The following PXK variants were observed in gnomAD, a reference collection of about 807,000 sequenced individuals.
PXK encodes the protein PX domain containing serine/threonine kinase like.
Under a neutral mutation model 84.7 loss-of-function variants are expected in PXK, and 35 were observed. That is an observed-to-expected ratio of 0.41 (90% CI 0.32 to 0.55). The LOEUF is 0.55. PXK is among the 20% of genes least tolerant of loss of function. PXK has a pLI of 0.21. For missense variants in PXK, 634 were observed against 699.7 expected (o/e 0.91, Z 1.06); for synonymous variants, 253 against 260.8 (o/e 0.97, Z 0.29).
chr3:58,369,008 A>C (rs2098323991), intron 2 of PXK, among the ~76,000 whole-genome samples: 1 of 152,156 alleles, frequency 6.6e-6, no homozygotes, highest in Non-Finnish European at 1.5e-5. Context: ...TCACCTGGGG[A>C]AAGTTTGACC....
chr3:58,356,244 G>A (rs1294891043), intron 1 of PXK, among the ~76,000 whole-genome samples: 2 of 152,154 alleles, frequency 1.3e-5, no homozygotes, highest in African/African-American at 4.8e-5. Context: ...GGGGTGTTGT[G>A]TCAAGAGGAG....
At chr3:58,419,278 T>G (rs913186592) in intron 17 of PXK, among the ~76,000 whole-genome samples, 1 of 152,094 alleles carries the variant, frequency 6.6e-6, no homozygotes, top group African/African-American at 2.4e-5. Context: ...TGAGATGGAG[T>G]TTCACTCTTG....
intron 1 of PXK, among the ~76,000 whole-genome samples, chr3:58,352,547 T>C (rs1027027032): frequency 1.3e-5 from 2 of 152,368 alleles, no homozygotes; most frequent in African/African-American, 4.8e-5. Flanking sequence ...AATTACTATT[T>C]AATTGAGCTT....
chr3:58,378,925 A>C (rs2098472021), intron 3 of PXK, among the ~76,000 whole-genome samples: 1 of 150,760 alleles, frequency 6.6e-6, no homozygotes, highest in Admixed American at 6.6e-5. Flanking sequence ...TATTATTATT[A>C]GTAGTAGTAG....
intron 1 of PXK, among the ~76,000 whole-genome samples, chr3:58,354,597 C>A (rs1310618771): frequency 6.6e-6 from 1 of 152,004 alleles, no homozygotes; most frequent in African/African-American, 2.4e-5. Context: ...CAGGCGCCCA[C>A]CATCGTGCCT....
rs190575193 is a variant in PXK, at chr3:58,392,809, A to G, written c.615+962A>G. On this transcript the variant is annotated intron_variant, in intron 7 of 17. Transcript: ENST00000356151. ...CCCAAGTAGCTGGGATTACAGGTGC[A>G]TGCCACCACACCCAGCTAATTTTTG... Among the ~76,000 whole-genome samples, 1,115 of 151,740 alleles carry G rather than the reference A, an allele frequency of 7.3e-3. 14 individuals are homozygous for G. Among genetic ancestry groups the G allele is most frequent in the African/African-American group, 0.026 (1,057 of 41,382 alleles).
chr3:58,413,372 A>T (rs2060495175), intron 17 of PXK: 1 of 198,384 alleles, frequency 5.0e-6, no homozygotes, highest in Non-Finnish European at 1.0e-5. Context: ...ACAGAGCACA[A>T]CTGGTAAGAT....
At chr3:58,381,986 AAAAAT>A (rs1168137095) in intron 3 of PXK, among the ~76,000 whole-genome samples, 3 of 152,150 alleles carry the variant, frequency 2.0e-5, no homozygotes, top group South Asian at 2.1e-4. Context: ...TAACTTTAGT[AAAAAT>A]AAAAGCACAT....
chr3:58,359,258 G>T (rs1234406526), intron 1 of PXK, among the ~76,000 whole-genome samples: 1 of 152,098 alleles, frequency 6.6e-6, no homozygotes, highest in African/African-American at 2.4e-5. Context: ...ATGGCCAGGC[G>T]CAGTGGCTCA....
chr3:58,420,534 A>T, intron 17 of PXK: 1 of 1,535,908 alleles, frequency 6.5e-7, no homozygotes, highest in South Asian at 1.2e-5. Flanking sequence ...TGCTGTTTTC[A>T]GTAGAGCATG....
Position 58,390,699 on chromosome 3 carries a change from C to T in PXK, c.466+40C>T. On this transcript the variant is annotated intron_variant, in intron 5 of 17. Transcript: ENST00000356151. This position sits in a 1 kb window ranked among gnomAD's most constrained non-coding sequence, Gnocchi z 4.2. ...CGCTCATTCTGTTAAAAAGACAGAT[C>T]ACAGAACTGGATCCTTAGTCATGCT... is the stretch of plus-strand genomic sequence containing the variant. 1 of 1,556,804 alleles carries T rather than the reference C, an allele frequency of 6.4e-7. No individual in the cohort carries two copies. Among genetic ancestry groups the T allele is most frequent in the South Asian group, 1.1e-5 (1 of 87,592 alleles).
intron 1 of PXK, among the ~76,000 whole-genome samples, chr3:58,334,547 T>C (rs1401930579): frequency 1.3e-5 from 2 of 152,226 alleles, no homozygotes; most frequent in Non-Finnish European, 2.9e-5. Context: ...TTATTTTGTA[T>C]TGAAAATAAA....
At chr3:58,374,297 A>G (rs2098418662) in intron 3 of PXK, among the ~76,000 whole-genome samples, 1 of 151,360 alleles carries the variant, frequency 6.6e-6, no homozygotes, top group Non-Finnish European at 1.5e-5. Flanking sequence ...CAGCCTCCCA[A>G]GTTGCTGGAA....
At chr3:58,388,429 C>G (rs998806946) in intron 4 of PXK, among the ~76,000 whole-genome samples, 2 of 152,206 alleles carry the variant, frequency 1.3e-5, no homozygotes, top group African/African-American at 4.8e-5. Flanking sequence ...CATGCTCCTT[C>G]TCAAAGTTGA....
intron 1 of PXK, among the ~76,000 whole-genome samples, chr3:58,354,694 C>T (rs537181398): frequency 6.6e-6 from 1 of 152,044 alleles, no homozygotes; most frequent in East Asian, 1.9e-4. Flanking sequence ...GTGAATCGCC[C>T]ACCTCGGCCT....
chr3:58,342,577 G>C (rs1194382106), intron 1 of PXK, among the ~76,000 whole-genome samples: 2 of 145,288 alleles, frequency 1.4e-5, no homozygotes, highest in Non-Finnish European at 3.0e-5. Context: ...AGAGGTTGCA[G>C]TGAGCTGAGA....
rs1427422308 is a variant in PXK at position 58,379,032 on chromosome 3, C to T, written c.202-3482C>T. ...CCGCCTCCTGGGTTCAAGCAATTCT[C>T]CTGCCTCAGCCTCCTGAGTAGCTGG... is the stretch of plus-strand genomic sequence containing the variant. On this transcript the variant is annotated intron_variant, in intron 3 of 17. Transcript: ENST00000356151. The surrounding 1 kb of genome is among the most constrained non-coding windows in gnomAD (Gnocchi z 5.1). Among the ~76,000 whole-genome samples the T allele has an allele frequency of 3.3e-5, 5 of 152,016 alleles. No homozygotes were observed. The highest frequency in any genetic ancestry group is 7.4e-5 in the Non-Finnish European group (5 of 68,012).
chr3:58,334,953 G>C (rs866878482), intron 1 of PXK, among the ~76,000 whole-genome samples: 8,177 of 134,208 alleles, frequency 0.061, 708 homozygotes, highest in African/African-American at 0.19. Flanking sequence ...GTGTGTGTGT[G>C]TGTGTCTGTG....
intron 1 of PXK, among the ~76,000 whole-genome samples, chr3:58,340,138 T>A (rs1276694196): frequency 3.4e-5 from 5 of 147,950 alleles, no homozygotes; most frequent in Non-Finnish European, 6.0e-5. Flanking sequence ...TTTTTTTTTT[T>A]AAGACAGGGT....
Sources: gnomAD v4.1 joint callset for allele counts (sites outside exome capture counted in the v4.1 genomes callset) on GRCh38, gnomAD v4.1.1 for gene constraint, Gnocchi (gnomAD v3.1) non-coding constraint, MANE v1.5 for transcripts, NCBI Gene and HGNC (gene_info 2026-07-23, HGNC 2026-07-21) for gene names.